CACHD1: variants seen among roughly 807,000 people sequenced by gnomAD.
CACHD1 encodes cache domain containing 1.
Under a neutral mutation model 138.7 loss-of-function variants are expected in CACHD1, and 71 were observed. The observed-to-expected ratio is 0.51, with a 90% CI of 0.42 to 0.62. CACHD1 has a LOEUF of 0.62. Among genes scored for constraint, CACHD1 ranks in the 20% least tolerant of loss-of-function variants. CACHD1 has a pLI of 0.00. For synonymous variants in CACHD1, 578 were observed against 591.5 expected (o/e 0.98, Z 0.33); for missense variants, 1,389 against 1,625.3 (o/e 0.85, Z 2.50).
intron 1 of CACHD1, among the ~76,000 whole-genome samples, chr1:64,471,607 C>G (rs1646145278): frequency 6.6e-6 from 1 of 152,246 alleles, no homozygotes; most frequent in Non-Finnish European, 1.5e-5. Context: ...ACTCCCGACT[C>G]TAATCCTGCT....
chr1:64,584,766 A>C (rs1647038291), intron 3 of CACHD1, among the ~76,000 whole-genome samples: 1 of 152,168 alleles, frequency 6.6e-6, no homozygotes, highest in Non-Finnish European at 1.5e-5. Context: ...ATTTGTTGGA[A>C]TCTGAATTGA....
At chr1:64,678,465 A>G (rs928476692) in intron 23 of CACHD1, among the ~76,000 whole-genome samples, 155 bp downstream of exon 23, 1 of 152,180 alleles carries the variant, frequency 6.6e-6, no homozygotes, top group Non-Finnish European at 1.5e-5. Context: ...TACCTTCAGA[A>G]CTGGCTAAAT....
Position 64,692,309 on chromosome 1 carries a change from T to C in CACHD1, c.*748T>C, listed in dbSNP as rs1650588503. 1 of 152,230 alleles carries C rather than the reference T, an allele frequency of 6.6e-6. No individual in the cohort carries two copies. The highest frequency in any genetic ancestry group is 2.4e-5 in the African/African-American group (1 of 41,456). 9.4% of individuals were successfully genotyped at this position (152,230 alleles called of 1,614,324 possible). ...GAAGAAATCTTTCTCTCTGACTTGT[T>C]TACATCATTTCACGGAAACACATCT... On this transcript the variant is annotated 3_prime_UTR_variant, in exon 27 of 27. Transcript: ENST00000651257.
At chr1:64,584,729 C>A (rs746144455) in intron 3 of CACHD1, among the ~76,000 whole-genome samples, 4 of 152,130 alleles carry the variant, frequency 2.6e-5, no homozygotes, top group Non-Finnish European at 5.9e-5. Flanking sequence ...CCCCTAGCAC[C>A]TGGCCATTGT....
At chr1:64,518,850 G>T (rs886111560) in intron 1 of CACHD1, among the ~76,000 whole-genome samples, 1 of 152,122 alleles carries the variant, frequency 6.6e-6, no homozygotes, top group African/African-American at 2.4e-5. Flanking sequence ...TTTTCCTGCT[G>T]CCTTATTCCC....
At chr1:64,628,046 A>G (rs528437031) in intron 4 of CACHD1, among the ~76,000 whole-genome samples, 1 of 152,358 alleles carries the variant, frequency 6.6e-6, no homozygotes, top group African/African-American at 2.4e-5. Context: ...CTTCAATGCA[A>G]TCTGAAGATA....
At chr1:64,681,542 T>TTTTTTTTTTG (rs1650183565) in intron 25 of CACHD1, among the ~76,000 whole-genome samples, 1 of 56,054 alleles carries the variant, frequency 1.8e-5, no homozygotes, top group Non-Finnish European at 2.9e-5. Context: ...TTTTATTGTG[T>TTTTTTTTTTG]TTTTTTTTTT....
intron 1 of CACHD1, among the ~76,000 whole-genome samples, chr1:64,493,137 G>T (rs1409984001): frequency 6.6e-6 from 1 of 152,216 alleles, no homozygotes; most frequent in African/African-American, 2.4e-5. Context: ...ATCCGTTTGT[G>T]AACTGGGAAA....
chr1:64,666,095 T>C lies in CACHD1; in HGVS notation c.2315T>C (p.Leu772Ser). 1 of 1,613,096 alleles carries C rather than the reference T, an allele frequency of 6.2e-7. No individual in the cohort carries two copies. ...HAVANPGLIS[L>S]TGPYLDVGGA... ...GTAGCTAATCCAGGGTTGATTTCTT[T>C]GACTGGTCCTTACTTAGATGTTGGA... Residue 772 changes from leucine (L) to serine (S), a missense_variant, in exon 16 of 27, where the codon TTG becomes TCG. Leu to Ser is a moderately radical substitution (Grantham distance 145). Transcript: ENST00000651257.
intron 3 of CACHD1, among the ~76,000 whole-genome samples, chr1:64,595,347 G>T (rs865821338): frequency 6.6e-6 from 1 of 152,176 alleles, no homozygotes; most frequent in Non-Finnish European, 1.5e-5. Context: ...TTCACAAGGA[G>T]ACTCTGAGCT....
At chr1:64,488,151 T>C (rs1169039613) in intron 1 of CACHD1, among the ~76,000 whole-genome samples, 1 of 152,218 alleles carries the variant, frequency 6.6e-6, no homozygotes, top group Non-Finnish European at 1.5e-5. Context: ...ATCTAATTAG[T>C]GAAACTAAAA....
At chr1:64,551,219 T>G (rs1036686762) in intron 2 of CACHD1, among the ~76,000 whole-genome samples, 1 of 151,520 alleles carries the variant, frequency 6.6e-6, no homozygotes, top group Non-Finnish European at 1.5e-5. Flanking sequence ...TTTTCTTTCC[T>G]CTTTTTTTTT....
At chr1:64,672,217 T>C (rs1240260721) in intron 17 of CACHD1, among the ~76,000 whole-genome samples, 4 of 152,198 alleles carry the variant, frequency 2.6e-5, no homozygotes, top group Admixed American at 1.3e-4. Context: ...CTTTCTTAGT[T>C]CCACCTCATG....
intron 2 of CACHD1, among the ~76,000 whole-genome samples, chr1:64,571,073 C>T (rs375743273): frequency 1.3e-5 from 2 of 152,214 alleles, no homozygotes; most frequent in African/African-American, 4.8e-5. Flanking sequence ...GTGATATTAG[C>T]GCATTACAAC....
rs780624227 is a variant in CACHD1 at position 64,555,505 on chromosome 1, C to T, written c.261+4849C>T. Among the ~76,000 whole-genome samples the T allele has an allele frequency of 9.2e-4, 140 of 152,234 alleles. 2 individuals carry two copies. In the Middle Eastern group the frequency reaches 0.027, roughly 30 times the overall value. ...CACGATCTCAGCTCACTGCAACCTCCGCCTCCTGGGTTCAAGGGATTCTTC... is the reference window on the plus strand; with the variant it reads ...CACGATCTCAGCTCACTGCAACCTCTGCCTCCTGGGTTCAAGGGATTCTTC... On this transcript the variant is annotated intron_variant, in intron 2 of 26. Coordinates refer to ENST00000651257, the MANE Select transcript of CACHD1 (RefSeq NM_020925.4).
Position 64,666,129 on chromosome 1 carries a change from T to A in CACHD1, c.2349T>A (p.Gly783=). 6.2e-7 allele frequency: 1 copy of A among 1,612,430 alleles called. No individual in the cohort carries two copies. Among genetic ancestry groups the A allele is most frequent in the South Asian group, 1.1e-5 (1 of 90,954 alleles). ...TGPYLDVGGA[G]YVVTISHTIH... is the part of the protein sequence containing the mutation. ...CTTACTTAGATGTTGGAGGAGCTGGTTATGTTGTGACAATCAGTCACACAA... is the reference window on the plus strand; with the variant it reads ...CTTACTTAGATGTTGGAGGAGCTGGATATGTTGTGACAATCAGTCACACAA... The change falls in exon 16 of 27, where the codon GGT becomes GGA. Residue 783 remains glycine (G), a synonymous_variant. Transcript: ENST00000651257.
At chr1:64,531,162 A>ATTCTT (rs1646582122) in intron 1 of CACHD1, among the ~76,000 whole-genome samples, 3 of 152,158 alleles carry the variant, frequency 2.0e-5, no homozygotes, top group Admixed American at 2.0e-4. Flanking sequence ...GGATAGAATG[A>ATTCTT]AAAGCATTCT....
chr1:64,555,153 T>G (rs1195332594), intron 2 of CACHD1, among the ~76,000 whole-genome samples: 1 of 152,022 alleles, frequency 6.6e-6, no homozygotes, highest in African/African-American at 2.4e-5. Flanking sequence ...CATGCCCAGT[T>G]CATTTTTGTA....
intron 15 of CACHD1, among the ~76,000 whole-genome samples, chr1:64,665,477 CA>C (rs534319976): frequency 1.3e-5 from 2 of 150,446 alleles, no homozygotes; most frequent in East Asian, 2.0e-4. Flanking sequence ...AACAAAAAAA[CA>C]AAAAAAACAA....
Sources: allele counts gnomAD v4.1 joint callset (sites outside exome capture counted in the v4.1 genomes callset), GRCh38; gene constraint gnomAD v4.1.1; transcripts MANE v1.5; gene names NCBI Gene and HGNC (gene_info 2026-07-23, HGNC 2026-07-21).